MMP16: variants seen among roughly 807,000 people sequenced by gnomAD.
The protein encoded by MMP16 is matrix metalloproteinase-16.
Under a neutral mutation model 67.8 loss-of-function variants are expected in MMP16, and 12 were observed. The observed-to-expected ratio is 0.18, with a 90% CI of 0.11 to 0.29. The LOEUF (loss-of-function observed/expected upper bound fraction) is 0.29, where lower values mean the gene tolerates loss of function less well. Among genes scored for constraint, MMP16 ranks in the 10% least tolerant of loss-of-function variants. MMP16 has a pLI of 1.00. For missense variants in MMP16, 475 were observed against 765.7 expected (o/e 0.62, Z 4.48); for synonymous variants, 249 against 255.9 (o/e 0.97, Z 0.26).
chr8:88,327,227 A>T lies in MMP16; in HGVS notation c.-21T>A. ...ATCATAGTGAACTGTGCTTCAATGGATGGACGAGCTCCCCTTCGTTTTCTC... is the reference window on the plus strand; with the variant it reads ...ATCATAGTGAACTGTGCTTCAATGGTTGGACGAGCTCCCCTTCGTTTTCTC... On this transcript the variant is annotated 5_prime_UTR_variant, in exon 1 of 10. Transcript: ENST00000286614. The T allele has an allele frequency of 6.2e-7, 1 of 1,613,270 alleles. No individual in the cohort carries two copies. Among genetic ancestry groups the T allele is most frequent in the Non-Finnish European group, 8.5e-7 (1 of 1,179,538 alleles).
intron 1 of MMP16, among the ~76,000 whole-genome samples, chr8:88,215,916 C>T (rs1307163100): frequency 6.6e-6 from 1 of 152,142 alleles, no homozygotes; most frequent in African/African-American, 2.4e-5. Context: ...AGTATAGGAT[C>T]ATCTTTACAT....
intron 1 of MMP16, among the ~76,000 whole-genome samples, chr8:88,231,598 T>C (rs1041891910): frequency 6.6e-6 from 1 of 152,186 alleles, no homozygotes; most frequent in Admixed American, 6.5e-5. Flanking sequence ...CCAAAGTTCA[T>C]GACTGCCATG....
At chr8:88,126,658 AG>A (rs1263042464) in intron 4 of MMP16, among the ~76,000 whole-genome samples, 9 of 151,926 alleles carry the variant, frequency 5.9e-5, no homozygotes, top group African/African-American at 2.2e-4. Flanking sequence ...TGTTTGTGTG[AG>A]TGTTTATATA....
intron 1 of MMP16, among the ~76,000 whole-genome samples, chr8:88,292,188 A>C (rs1810936068): frequency 6.6e-6 from 1 of 152,194 alleles, no homozygotes; most frequent in Admixed American, 6.5e-5. Context: ...TTTAATACAA[A>C]ATTATATTTT....
At chr8:88,066,874 AATAAG>A (rs1277845388) in intron 7 of MMP16, among the ~76,000 whole-genome samples, 2 of 152,130 alleles carry the variant, frequency 1.3e-5, no homozygotes, top group African/African-American at 4.8e-5. Context: ...AACAAACAAA[AATAAG>A]ATGAGAAATT....
intron 1 of MMP16, among the ~76,000 whole-genome samples, chr8:88,263,640 T>C (rs991447985): frequency 6.6e-6 from 1 of 152,182 alleles, no homozygotes; most frequent in African/African-American, 2.4e-5. Context: ...ACTCCTTATG[T>C]CTTTTCAAAT....
At chr8:88,280,313 T>C (rs1411351891) in intron 1 of MMP16, among the ~76,000 whole-genome samples, 1 of 152,178 alleles carries the variant, frequency 6.6e-6, no homozygotes, top group Non-Finnish European at 1.5e-5. Flanking sequence ...AAAAGTATCC[T>C]AAAATTTAAA....
intron 1 of MMP16, among the ~76,000 whole-genome samples, chr8:88,220,170 A>AC (rs1296594233): frequency 6.6e-6 from 1 of 152,054 alleles, no homozygotes; most frequent in African/African-American, 2.4e-5. Context: ...TCATTATCAC[A>AC]CCTAAAGAAT....
chr8:88,126,292 G>A (rs990184665), intron 4 of MMP16, among the ~76,000 whole-genome samples: 7 of 151,624 alleles, frequency 4.6e-5, no homozygotes, highest in Admixed American at 6.6e-5. Context: ...AGAGTAGTTC[G>A]GTATCTCTGA....
At chr8:88,114,722 G>C (rs1275140648) in intron 6 of MMP16, among the ~76,000 whole-genome samples, 1 of 151,938 alleles carries the variant, frequency 6.6e-6, no homozygotes, top group Non-Finnish European at 1.5e-5. Flanking sequence ...TGGAATTATT[G>C]ACAAAATGAA....
Position 88,140,339 on chromosome 8 carries a change from C to T in MMP16, c.710-21478G>A, listed in dbSNP as rs1237248284. Among the ~76,000 whole-genome samples, 8 of 152,216 alleles carry T rather than the reference C, an allele frequency of 5.3e-5. No homozygotes were observed. In the East Asian group the frequency reaches 1.4e-3, roughly 26 times the overall value. On this transcript the variant is annotated intron_variant, in intron 4 of 9. Coordinates refer to ENST00000286614, the MANE Select transcript of MMP16 (RefSeq NM_005941.5). ...GAGGGAGAGACAGAAAGGGTTAGCTCTAGTTAGAAACTATATCCTTTTTAT... is the reference window on the plus strand; with the variant it reads ...GAGGGAGAGACAGAAAGGGTTAGCTTTAGTTAGAAACTATATCCTTTTTAT...
At chr8:88,268,922 G>C (rs1369303014) in intron 1 of MMP16, among the ~76,000 whole-genome samples, 2 of 151,982 alleles carry the variant, frequency 1.3e-5, no homozygotes, top group African/African-American at 2.4e-5. Context: ...CATCAGCCAT[G>C]GTTCTTTGAT....
intron 6 of MMP16, among the ~76,000 whole-genome samples, chr8:88,095,292 A>T (rs559248419): frequency 6.7e-6 from 1 of 149,744 alleles, no homozygotes; most frequent in African/African-American, 2.4e-5. Context: ...TTGTTCTTTA[A>T]TTTTTTTTTT....
At chr8:88,182,659 C>G (rs1368040236) in intron 3 of MMP16, among the ~76,000 whole-genome samples, 1 of 152,078 alleles carries the variant, frequency 6.6e-6, no homozygotes, top group African/African-American at 2.4e-5. Flanking sequence ...CAGTTTCTTA[C>G]AAAGCTAACC....
chr8:88,322,809 A>T (rs1054139839), intron 1 of MMP16, among the ~76,000 whole-genome samples: 4 of 152,192 alleles, frequency 2.6e-5, no homozygotes, highest in Admixed American at 6.5e-5. Flanking sequence ...CACGTCATGT[A>T]ATGGTTTCAT....
At chr8:88,326,860 T>C in intron 1 of MMP16, 1 of 509,848 alleles carries the variant, frequency 2.0e-6, no homozygotes, top group South Asian at 2.2e-5. Flanking sequence ...GCGCGCAGCA[T>C]CGTGCTTTGT....
At chr8:88,306,182 TAGA>T (rs975446593) in intron 1 of MMP16, among the ~76,000 whole-genome samples, 1 of 151,920 alleles carries the variant, frequency 6.6e-6, no homozygotes, top group African/African-American at 2.4e-5. Flanking sequence ...AACTAAAATC[TAGA>T]AGAAGTGGAT....
At chr8:88,128,776 C>T (rs1043924962) in intron 4 of MMP16, among the ~76,000 whole-genome samples, 9 of 151,826 alleles carry the variant, frequency 5.9e-5, no homozygotes, top group Non-Finnish European at 8.8e-5. Context: ...ACTATGGATC[C>T]CCAAGAAAAT....
intron 1 of MMP16, among the ~76,000 whole-genome samples, chr8:88,247,128 C>G (rs1224316635): frequency 6.6e-6 from 1 of 152,054 alleles, no homozygotes; most frequent in Non-Finnish European, 1.5e-5. Flanking sequence ...TGAGGTCATT[C>G]AGGGTAGGGG....
Sources: gnomAD v4.1 joint callset for allele counts (sites outside exome capture counted in the v4.1 genomes callset) on GRCh38, gnomAD v4.1.1 for gene constraint, MANE v1.5 for transcripts, NCBI Gene and HGNC (gene_info 2026-07-23, HGNC 2026-07-21) for gene names.